The following NFIA variants were observed in gnomAD, a reference collection of about 807,000 sequenced individuals.
The protein encoded by NFIA is nuclear factor 1 A-type.
In NFIA, 8 loss-of-function variants were observed where a neutral mutation model predicts 62.8. The ratio of observed to expected loss-of-function variants is 0.13; its 90% CI spans 0.07 to 0.23. NFIA has a LOEUF of 0.23. Among genes scored for constraint, NFIA ranks in the 10% least tolerant of loss-of-function variants. The pLI is 1.00. For synonymous variants in NFIA, 235 were observed against 238.1 expected (o/e 0.99, Z 0.12); for missense variants, 410 against 642.1 (o/e 0.64, Z 3.91).
chr1:61,165,320 T>C (rs1649497573), intron 2 of NFIA, among the ~76,000 whole-genome samples: 1 of 152,302 alleles, frequency 6.6e-6, no homozygotes, highest in African/African-American at 2.4e-5. Flanking sequence ...AAATCTCTTT[T>C]TATTAATATC....
At chr1:61,369,663 T>G (rs1293078911) in intron 6 of NFIA, among the ~76,000 whole-genome samples, 2 of 152,100 alleles carry the variant, frequency 1.3e-5, no homozygotes, top group African/African-American at 4.8e-5. Flanking sequence ...TATATTGGCT[T>G]GTATTTTGTC....
At chr1:61,126,784 T>TCC (rs1395675770) in intron 2 of NFIA, among the ~76,000 whole-genome samples, 4,096 of 137,498 alleles carry the variant, frequency 0.03, 140 homozygotes, top group East Asian at 0.15. Flanking sequence ...TTCCTTTTTT[T>TCC]TTTTTTTTTT....
intron 2 of NFIA, among the ~76,000 whole-genome samples, chr1:61,246,586 C>T (rs1655663256): frequency 7.4e-6 from 1 of 134,808 alleles, no homozygotes; most frequent in Admixed American, 7.1e-5. Flanking sequence ...AACAATGTCT[C>T]AGATTCCTTC....
At chr1:61,156,404 A>G (rs898914721) in intron 2 of NFIA, among the ~76,000 whole-genome samples, 3 of 152,206 alleles carry the variant, frequency 2.0e-5, no homozygotes, top group Admixed American at 6.5e-5. Context: ...GAGACGTAGC[A>G]CTGGGCATTA....
chr1:61,243,298 G>T (rs545467020), intron 2 of NFIA, among the ~76,000 whole-genome samples: 38 of 152,244 alleles, frequency 2.5e-4, no homozygotes, highest in African/African-American at 8.9e-4. Context: ...AAGGTGTGTA[G>T]CAGATCCCTT....
chr1:61,114,786 C>G (rs1238347992), intron 2 of NFIA, among the ~76,000 whole-genome samples: 3 of 151,996 alleles, frequency 2.0e-5, no homozygotes, highest in Non-Finnish European at 2.9e-5. Context: ...TTACCTTGTT[C>G]ATAGTATGTA....
At chr1:61,393,606 G>A (rs1314015818) in intron 7 of NFIA, among the ~76,000 whole-genome samples, 2 of 152,050 alleles carry the variant, frequency 1.3e-5, no homozygotes, top group African/African-American at 4.8e-5. Flanking sequence ...CCTCATTGGT[G>A]TGACCCGGCT....
chr1:61,088,315 C>T lies in NFIA; in HGVS notation c.194C>T (p.Pro65Leu), dbSNP rs201450663. 111 of 1,612,922 alleles carry T rather than the reference C, an allele frequency of 6.9e-5. No individual in the cohort carries two copies. Among genetic ancestry groups the T allele is most frequent in the Non-Finnish European group, 7.7e-5 (91 of 1,179,844 alleles). ...AVKDELLSEK[P>L]EVKQKWASRL... is the part of the protein sequence containing the mutation. ...AAGGATGAATTGCTAAGTGAAAAAC[C>T]AGAGGTCAAGCAGAAGTGGGCATCT... Residue 65 changes from proline to leucine, a missense_variant, in exon 2 of 11, where the codon CCA (proline) becomes CTA (leucine). Pro to Leu is a moderately conservative substitution (Grantham distance 98, BLOSUM62 -3). Transcript: ENST00000403491. The surrounding 1 kb of genome is among the most constrained non-coding windows in gnomAD (Gnocchi z 4.5).
At chr1:61,451,780 A>G (rs550470138) in intron 10 of NFIA, among the ~76,000 whole-genome samples, 4 of 152,324 alleles carry the variant, frequency 2.6e-5, no homozygotes, top group African/African-American at 9.6e-5. Context: ...CTCACTGCAC[A>G]TAGGGAGGGA....
chr1:61,086,358 G>GT (rs1646218832), intron 1 of NFIA, among the ~76,000 whole-genome samples: 1 of 152,152 alleles, frequency 6.6e-6, no homozygotes, highest in Admixed American at 6.5e-5. Flanking sequence ...CAGATAAACT[G>GT]TGACTTGCCC....
intron 5 of NFIA, among the ~76,000 whole-genome samples, chr1:61,358,125 A>G (rs538814686): frequency 6.6e-6 from 1 of 152,278 alleles, no homozygotes; most frequent in Non-Finnish European, 1.5e-5. Flanking sequence ...TAATCTTTGC[A>G]TAGAGAAAGC....
At chr1:61,440,744 C>T (rs1172621561) in intron 10 of NFIA, among the ~76,000 whole-genome samples, 1 of 150,814 alleles carries the variant, frequency 6.6e-6, no homozygotes, top group Non-Finnish European at 1.5e-5. Flanking sequence ...TTTTAGAGCT[C>T]TGGATACTGT....
In NFIA at chr1:61,264,865, G is replaced by C. The variant is rs1303030551; in HGVS notation, c.560-12655G>C. Among the ~76,000 whole-genome samples the C allele has an allele frequency of 3.3e-5, 5 of 152,182 alleles. No individual in the cohort carries two copies. In the East Asian group the frequency reaches 5.8e-4, roughly 18 times the overall value. On this transcript the variant is annotated intron_variant, in intron 2 of 10. Transcript: ENST00000403491. ...GACAAGAATGTAGATAGTGTACTTA[G>C]GTGTAAATGACAGATGGAATGAACT...
rs74090341 is a variant in NFIA at position 61,232,929 on chromosome 1, G to A, written c.560-44591G>A. 5.0e-3 allele frequency among the ~76,000 whole-genome samples: 754 copies of A among 151,906 alleles called. 9 individuals are homozygous for A. The highest frequency in any genetic ancestry group is 0.017 in the African/African-American group (692 of 41,442). On this transcript the variant is annotated intron_variant, in intron 2 of 10. Transcript: ENST00000403491. The stretch of plus-strand genomic sequence containing the variant: ...TAAATTCATTTGGCAAGAATTTTTC[G>A]TTGGGTTTTAACCACTCTTTTAGTT...
rs575166204 is a variant in NFIA at position 61,277,557 on chromosome 1, C to T, written c.597C>T (p.Asp199=). The T allele has an allele frequency of 2.1e-5, 34 of 1,613,832 alleles. 1 individual carries two copies. Among genetic ancestry groups the T allele is most frequent in the East Asian group, 1.8e-4 (8 of 44,864 alleles). ...CTGAAAGTCCCAGCCAGCCAAGTGA[C>T]GCTGACATTAAGGACCAGCCAGAAA... The part of the protein sequence containing the change: ...SQSESPSQPS[D]ADIKDQPENG... Residue 199 remains aspartate, a synonymous_variant, in exon 3 of 11, where the codon GAC becomes GAT. Transcript: ENST00000403491.
At chr1:61,357,166 A>C (rs1662998178) in intron 5 of NFIA, among the ~76,000 whole-genome samples, 1 of 152,222 alleles carries the variant, frequency 6.6e-6, no homozygotes, top group African/African-American at 2.4e-5. Context: ...TTCTCTGAAC[A>C]TATCACACTT....
At chr1:61,407,883 C>T (rs1350943491) in intron 9 of NFIA, among the ~76,000 whole-genome samples, 1 of 152,040 alleles carries the variant, frequency 6.6e-6, no homozygotes, top group African/African-American at 2.4e-5. Context: ...TGGATGAATG[C>T]GGTGAATGAA....
In NFIA at chr1:61,284,893, C is replaced by A. The variant is rs890411122; in HGVS notation, c.625+7308C>A. Among the ~76,000 whole-genome samples the A allele has an allele frequency of 3.1e-4, 47 of 152,138 alleles. 1 individual carries two copies. The highest frequency in any genetic ancestry group is 1.0e-4 in the Non-Finnish European group (7 of 67,998). ...ATTCGTTTGTGCCTCTGACTCTTATCCCAGGAGAGACCCAGAAGTGCCTAT... is the reference window on the plus strand; with the variant it reads ...ATTCGTTTGTGCCTCTGACTCTTATACCAGGAGAGACCCAGAAGTGCCTAT... On this transcript the variant is annotated intron_variant, in intron 3 of 10. Coordinates refer to ENST00000403491, the MANE Select transcript of NFIA (RefSeq NM_001134673.4).
At chr1:61,322,585 C>T (rs1183809782) in intron 3 of NFIA, among the ~76,000 whole-genome samples, 3 of 152,088 alleles carry the variant, frequency 2.0e-5, no homozygotes, top group East Asian at 3.9e-4. Flanking sequence ...GTATCACTTG[C>T]GTTCACTTTC....
Sources: allele counts gnomAD v4.1 joint callset (sites outside exome capture counted in the v4.1 genomes callset), GRCh38; gene constraint gnomAD v4.1.1; non-coding constraint Gnocchi (gnomAD v3.1); transcripts MANE v1.5; gene names NCBI Gene and HGNC (gene_info 2026-07-23, HGNC 2026-07-21).